The following FAF1 variants were observed in gnomAD, a reference collection of about 807,000 sequenced individuals.
FAF1 encodes Fas associated factor 1, also known as FAS-associated factor 1.
FAF1 carries 25 observed loss-of-function variants against 92.5 expected under a neutral mutation model. The ratio of observed to expected loss-of-function variants is 0.27; its 90% CI spans 0.20 to 0.38. FAF1 has a LOEUF of 0.38. Among genes scored for constraint, FAF1 ranks in the 10% least tolerant of loss-of-function variants. The pLI, the probability that FAF1 is intolerant of heterozygous loss-of-function variation, is 1.00. For synonymous variants in FAF1, 234 were observed against 273.2 expected (o/e 0.86, Z 1.42); for missense variants, 636 against 793.3 (o/e 0.80, Z 2.38).
intron 2 of FAF1, among the ~76,000 whole-genome samples, chr1:50,838,317 T>G (rs921192381): frequency 6.6e-6 from 1 of 151,776 alleles, no homozygotes; most frequent in South Asian, 2.1e-4. Flanking sequence ...AACAAAAAAT[T>G]TTATCCTATG....
At chr1:50,779,166 CT>C (rs1426796418) in intron 4 of FAF1, among the ~76,000 whole-genome samples, 2 of 152,212 alleles carry the variant, frequency 1.3e-5, no homozygotes, top group Admixed American at 1.3e-4. Flanking sequence ...TCAGGCTCCT[CT>C]TCTAATTCTT....
intron 8 of FAF1, among the ~76,000 whole-genome samples, chr1:50,651,389 A>G (rs1477907647): frequency 6.6e-6 from 1 of 152,216 alleles, no homozygotes; most frequent in Non-Finnish European, 1.5e-5. Flanking sequence ...CTTTACCACA[A>G]TCTAATTTTT....
At chr1:50,915,727 G>A (rs1232805574) in intron 1 of FAF1, among the ~76,000 whole-genome samples, 1 of 151,922 alleles carries the variant, frequency 6.6e-6, no homozygotes, top group Non-Finnish European at 1.5e-5. Flanking sequence ...CGAGAAAAAA[G>A]GTATGTATTC....
chr1:50,802,329 A>T (rs1028582791), intron 2 of FAF1, among the ~76,000 whole-genome samples: 3 of 152,162 alleles, frequency 2.0e-5, no homozygotes, highest in African/African-American at 7.2e-5. Flanking sequence ...ACCTCAGGTG[A>T]TCCACCCGCC....
rs562374343 is a variant in FAF1, at chr1:50,512,765, T to G, written c.1495-20964A>C. ...TACTTAAAGTAGTTTTTTCTAATTCTGTGAAGAAAGTCAATGGTAGCTAGA... is the reference window on the plus strand; with the variant it reads ...TACTTAAAGTAGTTTTTTCTAATTCGGTGAAGAAAGTCAATGGTAGCTAGA... On this transcript the variant is annotated intron_variant, in intron 15 of 18. Coordinates refer to ENST00000396153, the MANE Select transcript of FAF1 (RefSeq NM_007051.3). Among the ~76,000 whole-genome samples the G allele has an allele frequency of 3.3e-5, 5 of 152,350 alleles. No homozygotes were observed. The East Asian group carries it at 9.6e-4, about 29-fold the overall frequency.
rs1014309036 is a variant in FAF1, at chr1:50,685,884, A to C, written c.657+19902T>G. Among the ~76,000 whole-genome samples, 4 of 152,164 alleles carry C rather than the reference A, an allele frequency of 2.6e-5. No homozygotes were observed. In the East Asian group the frequency reaches 7.7e-4, roughly 29 times the overall value. ...CCAGAAATACACTCAAATTACTATG[A>C]AGTAAAAACCATTCTCCTTTCTAAT... On this transcript the variant is annotated intron_variant, in intron 7 of 18. Coordinates refer to ENST00000396153, the MANE Select transcript of FAF1 (RefSeq NM_007051.3).
intron 1 of FAF1, among the ~76,000 whole-genome samples, chr1:50,932,985 T>C (rs1479185103): frequency 1.3e-5 from 2 of 152,198 alleles, no homozygotes; most frequent in Non-Finnish European, 2.9e-5. Flanking sequence ...ATTTCAGCCA[T>C]GGCTGGAGCG....
intron 6 of FAF1, among the ~76,000 whole-genome samples, chr1:50,723,896 C>A (rs1435766876): frequency 2.0e-5 from 3 of 152,000 alleles, no homozygotes; most frequent in African/African-American, 7.2e-5. Flanking sequence ...TTACAGGCAC[C>A]TGCCACCACA....
intron 1 of FAF1, among the ~76,000 whole-genome samples, chr1:50,922,486 A>C (rs895217652): frequency 6.8e-6 from 1 of 146,826 alleles, no homozygotes; most frequent in African/African-American, 2.5e-5. Flanking sequence ...AAAAAAAGAA[A>C]AGAGAGAGAG....
At chr1:50,475,897 TTGA>T (rs1307815361) in intron 17 of FAF1, among the ~76,000 whole-genome samples, 2 of 152,166 alleles carry the variant, frequency 1.3e-5, no homozygotes, top group Non-Finnish European at 2.9e-5. Context: ...AAATTCCACC[TTGA>T]TGACACATAT....
At chr1:50,654,926 T>A (rs1485481277) in intron 8 of FAF1, among the ~76,000 whole-genome samples, 1 of 152,088 alleles carries the variant, frequency 6.6e-6, no homozygotes, top group Non-Finnish European at 1.5e-5. Context: ...GAACTCAAAT[T>A]ATTACAACTT....
chr1:50,491,864 A>T, intron 15 of FAF1, 63 bp from the exon 16 acceptor site: 2 of 1,251,026 alleles, frequency 1.6e-6, no homozygotes, highest in Non-Finnish European at 2.3e-6. Flanking sequence ...AAAGAGAAAA[A>T]AAACTAATGG....
intron 2 of FAF1, among the ~76,000 whole-genome samples, chr1:50,814,631 T>G (rs1265377811): frequency 6.6e-6 from 1 of 152,086 alleles, no homozygotes; most frequent in East Asian, 1.9e-4. Context: ...GAGTAAATAC[T>G]AACTCAAAAC....
chr1:50,751,700 G>T (rs183760177), intron 4 of FAF1, among the ~76,000 whole-genome samples: 20 of 152,144 alleles, frequency 1.3e-4, no homozygotes, highest in African/African-American at 4.1e-4. Context: ...TACTATAAAC[G>T]TATTTATACA....
At chr1:50,448,214 G>T (rs984356180) in intron 18 of FAF1, among the ~76,000 whole-genome samples, 1 of 152,162 alleles carries the variant, frequency 6.6e-6, no homozygotes, top group East Asian at 1.9e-4. Context: ...TTCTTTATGT[G>T]TAAGTAGATG....
At chr1:50,658,907 C>T (rs72900940) in intron 7 of FAF1, among the ~76,000 whole-genome samples, 10,047 of 152,160 alleles carry the variant, frequency 0.066, 412 homozygotes, top group East Asian at 0.092. Context: ...TGTTACCATA[C>T]GTAGATGTTA....
intron 9 of FAF1, among the ~76,000 whole-genome samples, chr1:50,587,700 G>C (rs1032069056): frequency 5.9e-5 from 9 of 152,140 alleles, no homozygotes; most frequent in African/African-American, 2.2e-4. Flanking sequence ...ACAAATCACT[G>C]TTAAGTGCTA....
chr1:50,683,670 T>C lies in FAF1; in HGVS notation c.657+22116A>G, dbSNP rs535805328. ...GTTTTTGGCCGGGTGCAGTGGCTCA[T>C]ACCCATAATCCCAGAGCTTTGGGAG... On this transcript the variant is annotated intron_variant, in intron 7 of 18. Coordinates refer to ENST00000396153, the MANE Select transcript of FAF1 (RefSeq NM_007051.3). 2.1e-3 allele frequency among the ~76,000 whole-genome samples: 317 copies of C among 152,210 alleles called. 2 individuals are homozygous for C. Among genetic ancestry groups the C allele is most frequent in the Middle Eastern group, 6.8e-3 (2 of 294 alleles).
rs561269046 is a variant in FAF1, at chr1:50,908,701, CTTTT to C, written c.46-50708_46-50705del. 4.7e-5 allele frequency among the ~76,000 whole-genome samples: 7 copies of C among 150,294 alleles called. No homozygotes were observed. The Admixed American group carries it at 4.7e-4, about 10-fold the overall frequency. On this transcript the variant is annotated intron_variant, in intron 1 of 18. Transcript: ENST00000396153. Reference sequence around the variant, plus strand: ...CAGAGACTAGGATTGCAACCCCTGCCTTTTTTTTTGCTTTCCATTTGCCTTCTAA... The same window carrying C: ...CAGAGACTAGGATTGCAACCCCTGCCTTTTTGCTTTCCATTTGCCTTCTAA...
Sources: gnomAD v4.1 joint callset for allele counts (sites outside exome capture counted in the v4.1 genomes callset) on GRCh38, gnomAD v4.1.1 for gene constraint, MANE v1.5 for transcripts, NCBI Gene and HGNC (gene_info 2026-07-23, HGNC 2026-07-21) for gene names.